Variants in PRCD observed in about 807,000 individuals in gnomAD.
The protein encoded by PRCD is photoreceptor disk component PRCD.
A neutral mutation model predicts 10.1 loss-of-function variants in PRCD; 12 were observed. The ratio of observed to expected loss-of-function variants is 1.18; its 90% confidence interval spans 0.76 to 1.92. The LOEUF (loss-of-function observed/expected upper bound fraction) is 1.92. PRCD is among the 40% of genes most tolerant of loss of function. The pLI is 0.00. For synonymous variants in PRCD, 31 were observed against 26.2 expected (o/e 1.18, Z -0.56); for missense variants, 61 against 72.2 (o/e 0.84, Z 0.56).
upstream of PRCD, chr17:76,538,586 A>G (rs1159494263): frequency 2.3e-6 from 1 of 440,644 alleles, no homozygotes; most frequent in Admixed American, 2.6e-5. Flanking sequence ...TAGGGCAGAC[A>G]GGACCTGGCA....
rs1223473188 is a variant in PRCD at position 76,545,221 on chromosome 17, A to C, written c.*1571A>C. On this transcript the variant is annotated 3_prime_UTR_variant, in exon 5 of 5. Coordinates refer to ENST00000592014, the MANE Select transcript of PRCD (RefSeq NM_001077620.3). The stretch of plus-strand genomic sequence containing the variant: ...CACATTTGCAGCTCCTGCTGCAGAA[A>C]GTTACCTCTCTCAGCCTAGAGCTCC... 2 of 456,676 alleles carry C rather than the reference A, an allele frequency of 4.4e-6. No individual in the cohort carries two copies. The highest frequency in any genetic ancestry group is 2.3e-5 in the Admixed American group (1 of 42,566). 28.3% of individuals were successfully genotyped at this position (456,676 alleles called of 1,614,324 possible). A position where few individuals can be genotyped will look rare whatever the true frequency, so the allele number is the denominator to read the frequency against.
At chr17:76,541,065 C>T (rs892502391) in intron 2 of PRCD, among the ~76,000 whole-genome samples, 4 of 152,222 alleles carry the variant, frequency 2.6e-5, no homozygotes, top group Non-Finnish European at 4.4e-5. Context: ...GCAGACCCTG[C>T]GGGCAGGACG....
chr17:76,532,397 CT>C, intron 1 of PRCD, among the ~76,000 whole-genome samples: 1 of 152,302 alleles, frequency 6.6e-6, no homozygotes, highest in Non-Finnish European at 1.5e-5. Flanking sequence ...TGCTTTGCCC[CT>C]GAGGCCATTG....
chr17:76,542,673 G>C lies in PRCD; in HGVS notation c.*59+40G>C, dbSNP rs765949080. 6.7e-6 allele frequency: 9 copies of C among 1,344,850 alleles called. No individual in the cohort carries two copies. In the African/African-American group the frequency reaches 1.0e-4, roughly 15 times the overall value. The allele number at this position is 1,344,850 out of a possible 1,614,324, so 83.3% of individuals were successfully genotyped here. ...GGAGCCGGGGAGGGCAGAGGGCAAG[G>C]CTTGGGACAGGCAGGAAGCAACAGG... On this transcript the variant is annotated intron_variant, in intron 3 of 4. Coordinates refer to ENST00000592014, the MANE Select transcript of PRCD (RefSeq NM_001077620.3).
intron 3 of PRCD, 58 bp downstream of exon 3, chr17:76,542,691 G>A: frequency 1.8e-6 from 2 of 1,128,662 alleles, no homozygotes; most frequent in Admixed American, 3.6e-5. Context: ...CAGGCAGGAA[G>A]CAACAGGCAA....
At position 76,530,860 on chromosome 17, in the gene PRCD, G is replaced by T; in HGVS notation, n.45+3027G>T. Reference sequence around the variant, plus strand: ...ACATGTCAGACCCCAGGGTTGGCCTGCCTCAAGTGTGCCTGCCCAGGTGAT... The same window carrying T: ...ACATGTCAGACCCCAGGGTTGGCCTTCCTCAAGTGTGCCTGCCCAGGTGAT... On this transcript the variant is annotated intron_variant and non_coding_transcript_variant, in intron 1 of 4. Transcript: ENST00000397633. The surrounding 1 kb of genome is among the most constrained non-coding windows in gnomAD (Gnocchi z 6.1). The T allele has an allele frequency of 8.4e-7, 1 of 1,195,400 alleles. No individual in the cohort carries two copies. Among genetic ancestry groups the T allele is most frequent in the Non-Finnish European group, 1.1e-6 (1 of 872,460 alleles). 74.0% of individuals were successfully genotyped at this position (1,195,400 alleles called of 1,614,324 possible).
At position 76,540,394 on chromosome 17, in the gene PRCD, G is replaced by T. The variant is rs2074976663; in HGVS notation, c.75-111G>T. 5.9e-6 allele frequency: 8 copies of T among 1,350,396 alleles called. No individual in the cohort carries two copies. Among genetic ancestry groups the T allele is most frequent in the Admixed American group, 1.7e-5 (1 of 58,790 alleles). The allele number at this position is 1,350,396 out of a possible 1,614,324, so 83.7% of individuals were successfully genotyped here. Reference sequence around the variant, plus strand: ...AGCAGGGGGACTTAGAGCTTCAAAGGCTCTAGTTGCAGCCTCTACTCCCAT... The same window carrying T: ...AGCAGGGGGACTTAGAGCTTCAAAGTCTCTAGTTGCAGCCTCTACTCCCAT... On this transcript the variant is annotated intron_variant, in intron 1 of 4. Coordinates refer to ENST00000592014, the MANE Select transcript of PRCD (RefSeq NM_001077620.3). The surrounding 1 kb of genome is among the most constrained non-coding windows in gnomAD (Gnocchi z 5.0).
In PRCD at chr17:76,540,266, T is replaced by TGGGGGGGGGGGG. The variant is rs2074974709; in HGVS notation, c.74+55_74+56insGGGGGGGGGGGG. ...GGCGGTTGGTCGGGGGGGGGGGGCA[T>TGGGGGGGGGGGG]GGGGCTGGGCTGCCACCAAGCTGAA... On this transcript the variant is annotated intron_variant, in intron 1 of 4. Coordinates refer to ENST00000592014, the MANE Select transcript of PRCD (RefSeq NM_001077620.3). This position sits in a 1 kb window ranked among gnomAD's most constrained non-coding sequence, Gnocchi z 5.0. The TGGGGGGGGGGGG allele has an allele frequency of 5.8e-6, 2 of 343,106 alleles. No individual in the cohort carries two copies. The allele number at this position is 343,106 out of a possible 1,614,324, so 21.3% of individuals were successfully genotyped here. A position where few individuals can be genotyped will look rare whatever the true frequency, so the allele number is the denominator to read the frequency against.
chr17:76,546,288 G>A (rs1031157307), downstream of PRCD: 13 of 152,192 alleles, frequency 8.5e-5, no homozygotes, highest in African/African-American at 3.1e-4. The surrounding 1 kb of genome is among the most constrained non-coding windows in gnomAD (Gnocchi z 4.5). Flanking sequence ...GTCTCTCCTG[G>A]AGACTGGAGC....
At position 76,543,811 on chromosome 17, in the gene PRCD, G is replaced by A. The variant is rs2075020202; in HGVS notation, c.*161G>A. 8.5e-6 allele frequency: 4 copies of A among 470,934 alleles called. No individual in the cohort carries two copies. The highest frequency in any genetic ancestry group is 6.2e-5 in the South Asian group (4 of 64,556). 29.2% of individuals were successfully genotyped at this position (470,934 alleles called of 1,614,324 possible). A position where few individuals can be genotyped will look rare whatever the true frequency, so the allele number is the denominator to read the frequency against. On this transcript the variant is annotated 3_prime_UTR_variant, in exon 5 of 5. Coordinates refer to ENST00000592014, the MANE Select transcript of PRCD (RefSeq NM_001077620.3). ...CATTTGCCTTTCCCCAGTTCCCAGA[G>A]CTCATCCTGTCACTGGCTGCTCTGC...
rs530069949 is a variant in PRCD at position 76,544,991 on chromosome 17, G to A, written c.*1341G>A. On this transcript the variant is annotated 3_prime_UTR_variant, in exon 5 of 5. Coordinates refer to ENST00000592014, the MANE Select transcript of PRCD (RefSeq NM_001077620.3). Reference sequence around the variant, plus strand: ...AAAAAGAGAGGAAGGGGCTGCTGGCGGCCAGCGGGGCTGTGGCTGCCTGGG... The same window carrying A: ...AAAAAGAGAGGAAGGGGCTGCTGGCAGCCAGCGGGGCTGTGGCTGCCTGGG... The A allele has an allele frequency of 2.2e-5, 10 of 456,430 alleles. No individual in the cohort carries two copies. The East Asian group carries it at 2.8e-4, about 13-fold the overall frequency. The allele number at this position is 456,430 out of a possible 1,614,324, so 28.3% of individuals were successfully genotyped here. A position where few individuals can be genotyped will look rare whatever the true frequency, so the allele number is the denominator to read the frequency against.
chr17:76,542,904 G>A, intron 3 of PRCD, 125 bp from the exon 4 acceptor site: 1 of 584,968 alleles, frequency 1.7e-6, no homozygotes, highest in Middle Eastern at 2.8e-4. Context: ...GGTCGTGCTG[G>A]GGCATGAGGG....
At chr17:76,536,885 C>T (rs1469437949), upstream of PRCD, among the ~76,000 whole-genome samples, 5 of 152,246 alleles carry the variant, frequency 3.3e-5, no homozygotes, top group East Asian at 9.7e-4. Context: ...GAACACTGGA[C>T]CCCCCGGGCT....
chr17:76,542,749 TGATGGA>T, intron 3 of PRCD, 116 bp downstream of exon 3: 1 of 717,720 alleles, frequency 1.4e-6, no homozygotes, highest in South Asian at 1.6e-5. Context: ...CTCTTGCCAC[TGATGGA>T]GGTTCAAAGT....
Position 76,533,151 on chromosome 17 carries a change from G to A in PRCD, n.45+5318G>A, listed in dbSNP as rs1191947328. 1.3e-5 allele frequency among the ~76,000 whole-genome samples: 2 copies of A among 152,170 alleles called. No homozygotes were observed. The highest frequency in any genetic ancestry group is 3.8e-4 in the East Asian group (2 of 5,196). On this transcript the variant is annotated intron_variant and non_coding_transcript_variant, in intron 1 of 4. Coordinates refer to the PRCD transcript ENST00000397633. This position sits in a 1 kb window ranked among gnomAD's most constrained non-coding sequence, Gnocchi z 4.5. ...TGCTATTGGCGGGGAAGTTTGCACA[G>A]TGACCAGGGCACAGTCTGTGTGGAG...
chr17:76,540,558 C>G lies in PRCD; in HGVS notation c.128C>G (p.Pro43Arg). The G allele has an allele frequency of 6.2e-7, 1 of 1,613,474 alleles. No homozygotes were observed. Among genetic ancestry groups the G allele is most frequent in the Non-Finnish European group, 8.5e-7 (1 of 1,179,906 alleles). The change falls in exon 2 of 5, where the codon CCT (proline) becomes CGT (arginine). Residue 43 changes from proline (P) to arginine (R), a missense_variant. Pro to Arg is a moderately radical substitution (Grantham distance 103). Transcript: ENST00000592014. The surrounding 1 kb of genome is among the most constrained non-coding windows in gnomAD (Gnocchi z 5.0). ...AARGSSLDAD[P>R]QSSGREKEPL... Reference sequence around the variant, plus strand: ...AGGGGCAGCAGCTTGGATGCGGACCCTCAGTCCTCAGGCAGGTAAGGCAGG... The same window carrying G: ...AGGGGCAGCAGCTTGGATGCGGACCGTCAGTCCTCAGGCAGGTAAGGCAGG...
Position 76,540,116 on chromosome 17 carries a change from C to T in PRCD, c.-26C>T, listed in dbSNP as rs2074968527. ...GCCTGTGGCCTTCTGCAGACTTGGC[C>T]TGGGAGGGGATGGGGCAGCTGCGCC... is the stretch of plus-strand genomic sequence containing the variant. On this transcript the variant is annotated 5_prime_UTR_variant, in exon 1 of 5. Transcript: ENST00000592014. The surrounding 1 kb of genome is among the most constrained non-coding windows in gnomAD (Gnocchi z 5.0). The T allele has an allele frequency of 1.9e-6, 3 of 1,590,198 alleles. No homozygotes were observed. Among genetic ancestry groups the T allele is most frequent in the African/African-American group, 1.3e-5 (1 of 74,692 alleles).
At position 76,530,232 on chromosome 17, in the gene PRCD, T is replaced by C. The variant is rs1156597048; in HGVS notation, n.45+2399T>C. Among the ~76,000 whole-genome samples the C allele has an allele frequency of 6.6e-6, 1 of 151,950 alleles. No homozygotes were observed. The highest frequency in any genetic ancestry group is 1.5e-5 in the Non-Finnish European group (1 of 67,952). ...TCCAGCCCTGCCTCCGCCTCTCCATTCAGCTCCCAGAGTCAGCCTCCCCTT... is the reference window on the plus strand; with the variant it reads ...TCCAGCCCTGCCTCCGCCTCTCCATCCAGCTCCCAGAGTCAGCCTCCCCTT... On this transcript the variant is annotated intron_variant and non_coding_transcript_variant, in intron 1 of 4. Transcript: ENST00000397633. The surrounding 1 kb of genome is among the most constrained non-coding windows in gnomAD (Gnocchi z 6.1).
In PRCD at chr17:76,533,704, CAG is replaced by C. The variant is rs2074876903; in HGVS notation, n.45+5874_45+5875del. On this transcript the variant is annotated intron_variant and non_coding_transcript_variant, in intron 1 of 4. Transcript: ENST00000397633. This position sits in a 1 kb window ranked among gnomAD's most constrained non-coding sequence, Gnocchi z 4.5. ...TGCCATTGCACTCCAGCCTGGGTGA[CAG>C]AGTGAGACCCTGAATCCAAAGAAAT... Among the ~76,000 whole-genome samples the C allele has an allele frequency of 6.6e-6, 1 of 151,970 alleles. No individual in the cohort carries two copies. Among genetic ancestry groups the C allele is most frequent in the African/African-American group, 2.4e-5 (1 of 41,334 alleles).
Sources: gnomAD v4.1 joint callset for allele counts (sites outside exome capture counted in the v4.1 genomes callset) on GRCh38, gnomAD v4.1.1 for gene constraint, Gnocchi (gnomAD v3.1) non-coding constraint, MANE v1.5 for transcripts, NCBI Gene and HGNC (gene_info 2026-07-23, HGNC 2026-07-21) for gene names.